Variants in HDX observed in about 807,000 individuals in gnomAD.
HDX encodes chromosome X open reading frame 43.
In HDX, 19 loss-of-function variants were observed where a neutral mutation model predicts 45.2. The ratio of observed to expected loss-of-function variants is 0.42; its 90% confidence interval spans 0.29 to 0.62. HDX has a LOEUF of 0.62. Among genes scored for constraint, HDX ranks in the 20% least tolerant of loss-of-function variants. The pLI is 0.20. For synonymous variants in HDX, 188 were observed against 172.8 expected, an observed-to-expected ratio of 1.09 and a Z score of -0.69; for missense variants, 532 against 493.9, an observed-to-expected ratio of 1.08 and a Z score of -0.73.
At chrX:84,417,552 G>T (rs1248030096) in intron 5 of HDX, among the ~76,000 whole-genome samples, 1 of 112,517 alleles carries the variant, frequency 8.9e-6, no homozygotes, top group Admixed American at 9.3e-5. Flanking sequence ...TCCCTGAAGG[G>T]ATGGCTTCTG....
intron 2 of HDX, among the ~76,000 whole-genome samples, chrX:84,483,110 G>C (rs7891818): frequency 0.4 from 43,799 of 109,745 alleles, 7,806 homozygotes; most frequent in African/African-American, 0.69. Flanking sequence ...AGGGTACAGC[G>C]CCCCCCTCAG....
At chrX:84,442,230 A>G (rs2039776040) in intron 4 of HDX, among the ~76,000 whole-genome samples, 1 of 111,494 alleles carries the variant, frequency 9.0e-6, no homozygotes, top group Admixed American at 9.6e-5. Flanking sequence ...TCAATAAAAT[A>G]TTTAATGTTT....
chrX:84,384,499 T>C (rs181353404), intron 5 of HDX, among the ~76,000 whole-genome samples: 3 of 110,095 alleles, frequency 2.7e-5, no homozygotes, highest in East Asian at 5.7e-4. Context: ...GATAGTTAAC[T>C]TCACTGTGTA....
chrX:84,395,026 G>T (rs776376820), intron 5 of HDX, among the ~76,000 whole-genome samples: 56 of 110,761 alleles, frequency 5.1e-4, no homozygotes, highest in Non-Finnish European at 9.9e-4. Context: ...GTTTATTCTT[G>T]TCATCCTATG....
At chrX:84,371,163 T>A (rs1255121146) in intron 5 of HDX, among the ~76,000 whole-genome samples, 1 of 111,796 alleles carries the variant, frequency 8.9e-6, no homozygotes, top group South Asian at 3.7e-4. Context: ...TGCAAAACAG[T>A]GGGAATCCAG....
chrX:84,460,473 T>C (rs760540914), intron 4 of HDX, among the ~76,000 whole-genome samples: 6 of 111,939 alleles, frequency 5.4e-5, no homozygotes, highest in Non-Finnish European at 1.1e-4. Context: ...CTGAAAATGA[T>C]TTGATAAAAC....
chrX:84,389,051 C>T (rs1290893911), intron 5 of HDX, among the ~76,000 whole-genome samples: 1 of 111,748 alleles, frequency 8.9e-6, no homozygotes, highest in East Asian at 2.8e-4. Flanking sequence ...TTATTGTGCT[C>T]GGTTTCACAG....
rs756434021 is a variant in HDX at position 84,326,090 on chromosome X, T to A, written c.1947+88A>T. ...TCCATGCCAAGCAGAAATGAAGTAT[T>A]AAAATGAAAACATATGAAGAACCCA... On this transcript the variant is annotated intron_variant, in intron 10 of 10. Transcript: ENST00000373177. 5.5e-4 allele frequency: 474 copies of A among 869,128 alleles called. 2 individuals carry two copies. In the African/African-American group the frequency reaches 8.8e-3, roughly 16 times the overall value. 71.6% of individuals were successfully genotyped at this position (869,128 alleles called of 1,213,427 possible). A position where few individuals can be genotyped will look rare whatever the true frequency, so the allele number is the denominator to read the frequency against.
intron 5 of HDX, among the ~76,000 whole-genome samples, chrX:84,407,984 G>A (rs760414561): frequency 1.8e-5 from 2 of 111,318 alleles, no homozygotes; most frequent in African/African-American, 3.3e-5. Context: ...TTCCCCGATT[G>A]TGTAGACTCC....
chrX:84,434,609 G>A (rs1602449230), intron 5 of HDX, among the ~76,000 whole-genome samples: 1 of 110,947 alleles, frequency 9.0e-6, no homozygotes, highest in East Asian at 2.8e-4. Flanking sequence ...ATGTTCTTCA[G>A]TGATATTGGC....
intron 5 of HDX, among the ~76,000 whole-genome samples, chrX:84,391,038 T>C (rs1020489711): frequency 5.4e-5 from 6 of 111,928 alleles, no homozygotes; most frequent in Non-Finnish European, 1.1e-4. Flanking sequence ...CACTTTCCTA[T>C]CAAACATTGG....
chrX:84,435,501 C>T (rs985152258), intron 5 of HDX, among the ~76,000 whole-genome samples: 91 of 109,930 alleles, frequency 8.3e-4, no homozygotes, highest in African/African-American at 2.8e-3. Context: ...TTTTCTCCCA[C>T]GTTGTAGGTT....
chrX:84,333,746 T>G lies in HDX; in HGVS notation c.1824+13A>C. On this transcript the variant is annotated intron_variant, in intron 9 of 10. Coordinates refer to ENST00000373177, the MANE Select transcript of HDX (RefSeq NM_001177479.2). ...ACCTTCTCTTAATAAATTCATAATT[T>G]AAAATTACCTACCTTATAATCCAAG... is the stretch of plus-strand genomic sequence containing the variant. The G allele has an allele frequency of 1.3e-6, 1 of 766,841 alleles. No homozygotes were observed. Among genetic ancestry groups the G allele is most frequent in the Non-Finnish European group, 2.0e-6 (1 of 507,701 alleles). The allele number at this position is 766,841 out of a possible 1,213,427, so 63.2% of individuals were successfully genotyped here. A position where few individuals can be genotyped will look rare whatever the true frequency, so the allele number is the denominator to read the frequency against.
At chrX:84,406,639 C>G (rs1256792870) in intron 5 of HDX, among the ~76,000 whole-genome samples, 7 of 110,589 alleles carry the variant, frequency 6.3e-5, no homozygotes, top group Non-Finnish European at 1.3e-4. Context: ...TTTAAATGTT[C>G]AAGATATGAG....
At chrX:84,432,164 C>T (rs892567164) in intron 5 of HDX, among the ~76,000 whole-genome samples, 10 of 110,834 alleles carry the variant, frequency 9.0e-5, no homozygotes, top group Non-Finnish European at 1.5e-4. Flanking sequence ...ACATTATTTC[C>T]GGGCTCTCTA....
intron 5 of HDX, among the ~76,000 whole-genome samples, chrX:84,401,194 T>A (rs2038695490): frequency 9.0e-6 from 1 of 111,660 alleles, no homozygotes; most frequent in South Asian, 3.7e-4. Context: ...AAAGCCAAAA[T>A]TGACAAATGA....
intron 5 of HDX, among the ~76,000 whole-genome samples, chrX:84,387,279 G>A (rs2038340961): frequency 8.9e-6 from 1 of 111,771 alleles, no homozygotes; most frequent in Non-Finnish European, 1.9e-5. Context: ...CTTTGAATAT[G>A]TTCTGTGTGC....
chrX:84,381,213 A>G (rs944218110), intron 5 of HDX, among the ~76,000 whole-genome samples: 3 of 111,470 alleles, frequency 2.7e-5, no homozygotes, highest in Admixed American at 1.9e-4. Flanking sequence ...GCACCACAAA[A>G]TGGAGAAGCA....
chrX:84,410,708 C>A (rs372983292), intron 5 of HDX, among the ~76,000 whole-genome samples: 28 of 111,794 alleles, frequency 2.5e-4, no homozygotes, highest in Non-Finnish European at 1.9e-4. Context: ...GTCCCACCTC[C>A]TCAATTTTTT....
Sources: gnomAD v4.1 joint callset for allele counts (sites outside exome capture counted in the v4.1 genomes callset) on GRCh38, gnomAD v4.1.1 for gene constraint, MANE v1.5 for transcripts, NCBI Gene and HGNC (gene_info 2026-07-23, HGNC 2026-07-21) for gene names.